Variants in TMC7 observed in about 807,000 individuals in gnomAD.
TMC7 encodes the protein transmembrane channel-like protein 7.
Under a neutral mutation model 82.9 loss-of-function variants are expected in TMC7, and 54 were observed. That is an observed-to-expected ratio of 0.65 (90% confidence interval 0.52 to 0.82). The LOEUF (loss-of-function observed/expected upper bound fraction) is 0.82. TMC7 is among the 40% of genes least tolerant of loss of function. The pLI, the probability that TMC7 is intolerant of heterozygous loss-of-function variation, is 0.00. For missense variants in TMC7, 820 were observed against 901.2 expected (o/e 0.91, Z 1.15); for synonymous variants, 350 against 337.9 (o/e 1.04, Z -0.39).
chr16:19,021,997 A>G (rs908505428), intron 4 of TMC7, among the ~76,000 whole-genome samples: 2 of 152,184 alleles, frequency 1.3e-5, no homozygotes, highest in Non-Finnish European at 2.9e-5. Flanking sequence ...ACGACAGCAT[A>G]ACAGTATGAG....
At chr16:19,030,402 C>T (rs1596765641) in intron 6 of TMC7, 33 bp downstream of exon 6, 2 of 1,588,068 alleles carry the variant, frequency 1.3e-6, no homozygotes, top group Non-Finnish European at 1.7e-6. Flanking sequence ...CTCTGAATTA[C>T]CCCTGATGGC....
intron 1 of TMC7, among the ~76,000 whole-genome samples, chr16:18,987,449 T>C (rs1372769267): frequency 6.6e-5 from 10 of 152,288 alleles, no homozygotes; most frequent in Non-Finnish European, 1.5e-5. Context: ...TAGCTGGGAC[T>C]ACAGGCACGT....
At chr16:18,986,482 G>A (rs1368434529) in intron 1 of TMC7, among the ~76,000 whole-genome samples, 1 of 152,120 alleles carries the variant, frequency 6.6e-6, no homozygotes, top group Non-Finnish European at 1.5e-5. Flanking sequence ...CTTGAACCTG[G>A]GAGGCAGAGG....
chr16:19,058,337 G>A (rs1002137991), intron 14 of TMC7, among the ~76,000 whole-genome samples: 1 of 152,024 alleles, frequency 6.6e-6, no homozygotes, highest in South Asian at 2.1e-4. Context: ...CTGAGATCGC[G>A]CCATTGCACT....
chr16:19,049,285 A>G (rs1238199050), intron 12 of TMC7, among the ~76,000 whole-genome samples: 1 of 152,130 alleles, frequency 6.6e-6, no homozygotes, highest in Non-Finnish European at 1.5e-5. Flanking sequence ...TGGCCTCCCA[A>G]AGTGCTGGGA....
intron 9 of TMC7, among the ~76,000 whole-genome samples, chr16:19,042,778 G>A (rs1476795610): frequency 7.3e-6 from 1 of 136,270 alleles, no homozygotes; most frequent in African/African-American, 2.7e-5. Flanking sequence ...ACGGAGTCTC[G>A]CTCTGTCACC....
At chr16:19,057,487 C>A (rs1220604757) in intron 14 of TMC7, among the ~76,000 whole-genome samples, 1 of 152,230 alleles carries the variant, frequency 6.6e-6, no homozygotes, top group African/African-American at 2.4e-5. Context: ...AAAACCCCAG[C>A]ATAATACAAG....
At chr16:19,040,475 T>C (rs924595791) in intron 9 of TMC7, 29 bp downstream of exon 9, 1 of 1,595,980 alleles carries the variant, frequency 6.3e-7, no homozygotes, top group African/African-American at 1.3e-5. Context: ...ATGGCAGGCA[T>C]GTCAAGCCAG....
rs1326047377 is a variant in TMC7, at chr16:19,037,994, T to C, written c.1126T>C (p.Cys376Arg). The change falls in exon 8 of 16, where the codon TGC becomes CGC. Residue 376 changes from cysteine (C) to arginine (R), a missense_variant. Around this residue, in one of 2 missense-constraint regions of TMC7, gnomAD observed 650 missense variants for 669.9 expected, o/e 0.97. Coordinates refer to ENST00000304381, the MANE Select transcript of TMC7 (RefSeq NM_024847.4). ...NCIVLAVLGA[C>R]FYAIYVATVF... ...TATTGTTCTGGCTGTTTTAGGGGCA[T>C]GCTTTTATGCAATATACGTAGCAAC... The C allele has an allele frequency of 1.2e-6, 2 of 1,614,130 alleles. No homozygotes were observed. Among genetic ancestry groups the C allele is most frequent in the Non-Finnish European group, 1.7e-6 (2 of 1,180,010 alleles).
chr16:19,050,761 G>A (rs1342268325), intron 12 of TMC7, among the ~76,000 whole-genome samples: 3 of 151,782 alleles, frequency 2.0e-5, no homozygotes, highest in East Asian at 1.9e-4. Context: ...TAGGCCTCCC[G>A]AAGTGCTGGG....
At chr16:19,005,246 T>G (rs958455739) in intron 1 of TMC7, among the ~76,000 whole-genome samples, 1 of 152,034 alleles carries the variant, frequency 6.6e-6, no homozygotes, top group South Asian at 2.1e-4. Flanking sequence ...CCCGCCACCA[T>G]GCCCGGCTAT....
rs372093049 is a variant in TMC7, at chr16:19,061,753, T to C, written c.2107-25T>C. On this transcript the variant is annotated intron_variant, in intron 15 of 15. Transcript: ENST00000304381. The stretch of plus-strand genomic sequence containing the variant: ...TATTTGTTTCCAAATATATTAAATG[T>C]ACATGTGAACTTATTATTTTTTAGG... 24 of 1,600,968 alleles carry C rather than the reference T, an allele frequency of 1.5e-5. No homozygotes were observed. The African/African-American group carries it at 2.1e-4, about 14-fold the overall frequency.
rs746251555 is a variant in TMC7, at chr16:19,016,589, A to G, written c.451A>G (p.Ser151Gly). The G allele has an allele frequency of 6.2e-7, 1 of 1,613,472 alleles. No individual in the cohort carries two copies. Among genetic ancestry groups the G allele is most frequent in the South Asian group, 1.1e-5 (1 of 91,020 alleles). The change falls in exon 3 of 16, where the codon AGC becomes GGC. Residue 151 changes from serine to glycine, a missense_variant. Transcript: ENST00000304381. ...HLELWREDIR[S>G]IEGKFGTGIQ... is the part of the protein sequence containing the mutation. ...GGAGCTGTGGCGGGAGGACATCCGC[A>G]GCATAGAAGGTATGCTGTCCTCACC...
At chr16:19,031,197 T>C (rs1960500203) in intron 6 of TMC7, among the ~76,000 whole-genome samples, 3 of 152,228 alleles carry the variant, frequency 2.0e-5, no homozygotes, top group African/African-American at 7.2e-5. Context: ...CTTGACCTCC[T>C]GGGTCACAGG....
chr16:19,056,023 C>G (rs117491682), intron 13 of TMC7, among the ~76,000 whole-genome samples: 2,147 of 152,008 alleles, frequency 0.014, 21 homozygotes, highest in South Asian at 0.03. Context: ...CCTGAATTTC[C>G]TGTAAACTGG....
intron 1 of TMC7, among the ~76,000 whole-genome samples, chr16:18,985,124 G>A (rs2038822186): frequency 6.6e-6 from 1 of 152,104 alleles, no homozygotes. Context: ...GCCAGGAGTG[G>A]TGGTGGGTGC....
intron 3 of TMC7, among the ~76,000 whole-genome samples, chr16:19,016,824 C>T (rs572645551): frequency 3.9e-5 from 6 of 152,200 alleles, no homozygotes; most frequent in African/African-American, 1.4e-4. Flanking sequence ...CTTGGAATAC[C>T]GTTAATACCC....
rs189473852 is a variant in TMC7 at position 19,050,604 on chromosome 16, T to A, written c.1741-1082T>A. Among the ~76,000 whole-genome samples, 203 of 151,998 alleles carry A rather than the reference T, an allele frequency of 1.3e-3. 1 individual carries two copies. Among genetic ancestry groups the A allele is most frequent in the African/African-American group, 4.7e-3 (193 of 41,502 alleles). ...CCTGGGCTCAATCCATCCTCCCACC[T>A]CAGCCTCCCAAGTAGCTGGGAATAC... On this transcript the variant is annotated intron_variant, in intron 12 of 15. Transcript: ENST00000304381.
In TMC7 at chr16:19,056,626, C is replaced by T. The variant is rs1961785387; in HGVS notation, c.1956C>T (p.Pro652=). ...EVIPKTVSTF[P]SSLQSFIHGV... ...TCCCCAAGACGGTGAGCACCTTCCC[C>T]AGCTCGCTGCAGTCCTTCATCCATG... is the stretch of plus-strand genomic sequence containing the variant. The change falls in exon 14 of 16, where the codon CCC becomes CCT. Residue 652 remains proline (P), a synonymous_variant. Transcript: ENST00000304381. 1 of 1,614,094 alleles carries T rather than the reference C, an allele frequency of 6.2e-7. No homozygotes were observed.
Sources: allele counts gnomAD v4.1 joint callset (sites outside exome capture counted in the v4.1 genomes callset), GRCh38; gene constraint gnomAD v4.1.1; regional missense constraint gnomAD v4.1.1; transcripts MANE v1.5; gene names NCBI Gene and HGNC (gene_info 2026-07-23, HGNC 2026-07-21).